PPFIBP2: variants seen among roughly 807,000 people sequenced by gnomAD.
PPFIBP2 encodes liprin-beta-2.
PPFIBP2 carries 118 observed loss-of-function variants against 118.3 expected under a neutral mutation model. That is an observed-to-expected ratio of 1.00 (90% CI 0.86 to 1.16). The LOEUF is 1.16. Among genes scored for constraint, PPFIBP2 ranks in the 50% most tolerant of loss-of-function variants. The probability of loss-of-function intolerance (pLI) is 0.00; values close to 1 mark genes in which losing one functional copy is unlikely to be tolerated. For synonymous variants in PPFIBP2, 414 were observed against 397.4 expected (o/e 1.04, Z -0.50); for missense variants, 1,195 against 1,073.1 (o/e 1.11, Z -1.59).
rs1848675148 is a variant in PPFIBP2 at position 7,616,574 on chromosome 11, A to G, written c.619-4361A>G. On this transcript the variant is annotated intron_variant, in intron 6 of 23. Transcript: ENST00000299492. This position sits in a 1 kb window ranked among gnomAD's most constrained non-coding sequence, Gnocchi z 5.2. Reference sequence around the variant, plus strand: ...AACGTTGCTTGAGATAATCTTGTAGACAGGATGGAGGAATAGAAGATGAAT... The same window carrying G: ...AACGTTGCTTGAGATAATCTTGTAGGCAGGATGGAGGAATAGAAGATGAAT... Among the ~76,000 whole-genome samples, 1 of 152,182 alleles carries G rather than the reference A, an allele frequency of 6.6e-6. No individual in the cohort carries two copies.
chr11:7,593,495 C>A (rs1432446575), intron 4 of PPFIBP2, among the ~76,000 whole-genome samples: 1 of 152,232 alleles, frequency 6.6e-6, no homozygotes, highest in Non-Finnish European at 1.5e-5. Context: ...GCCCCATGAC[C>A]AGGCTGATTT....
chr11:7,625,718 A>C, intron 7 of PPFIBP2, 59 bp from the exon 8 acceptor site: 2 of 1,399,826 alleles, frequency 1.4e-6, no homozygotes, highest in Non-Finnish European at 2.0e-6. Flanking sequence ...GACGGGAGGC[A>C]CTTCATCATG....
At chr11:7,524,192 A>C (rs150342083) in intron 1 of PPFIBP2, among the ~76,000 whole-genome samples, 189 of 152,116 alleles carry the variant, frequency 1.2e-3, no homozygotes, top group African/African-American at 4.3e-3. Flanking sequence ...TAATAGGGAC[A>C]AGGGGGACAG....
At chr11:7,610,746 T>G (rs1487107292) in intron 6 of PPFIBP2, among the ~76,000 whole-genome samples, 3 of 152,092 alleles carry the variant, frequency 2.0e-5, no homozygotes, top group Non-Finnish European at 4.4e-5. Flanking sequence ...ACCAAGGAAA[T>G]GACGACGTAC....
intron 4 of PPFIBP2, chr11:7,597,319 A>G (rs1261019474): frequency 2.0e-6 from 3 of 1,535,696 alleles, no homozygotes; most frequent in East Asian, 4.9e-5. Flanking sequence ...GAGTCTATCA[A>G]GAGCAGTAAA....
At chr11:7,550,620 A>G (rs7116101) in intron 2 of PPFIBP2, among the ~76,000 whole-genome samples, 59,757 of 152,074 alleles carry the variant, frequency 0.39, 12,562 homozygotes, top group African/African-American at 0.54. Flanking sequence ...CTTTTCAGAG[A>G]ATCCATAGAC....
Position 7,565,600 on chromosome 11 carries a change from C to G in PPFIBP2, c.112C>G (p.Leu38Val). The G allele has an allele frequency of 6.2e-7, 1 of 1,614,246 alleles. No individual in the cohort carries two copies. The highest frequency in any genetic ancestry group is 1.1e-5 in the South Asian group (1 of 91,088). ...DLSDGTCEPGLASPASYMNPF... is the reference protein window; with the variant it reads ...DLSDGTCEPGVASPASYMNPF... ...TAGTGATGGTACTTGTGAGCCTGGACTGGCTTCCCCGGCCTCCTACATGAA... is the reference window on the plus strand; with the variant it reads ...TAGTGATGGTACTTGTGAGCCTGGAGTGGCTTCCCCGGCCTCCTACATGAA... The change falls in exon 3 of 24, where the codon CTG becomes GTG. Residue 38 changes from leucine (L) to valine (V), a missense_variant. Transcript: ENST00000299492.
intron 17 of PPFIBP2, among the ~76,000 whole-genome samples, chr11:7,642,733 T>C (rs1428350181): frequency 1.3e-5 from 2 of 152,358 alleles, no homozygotes; most frequent in East Asian, 1.9e-4. Context: ...GATTGCCATA[T>C]ACCAATGCAG....
At chr11:7,549,609 C>CTTTTTTTTTT in intron 2 of PPFIBP2, 70 bp downstream of exon 2, 1 of 1,142,966 alleles carries the variant, frequency 8.7e-7, no homozygotes, top group Non-Finnish European at 1.2e-6. Context: ...TCTCCTTTTA[C>CTTTTTTTTTT]TTTTTTTTTT....
At chr11:7,555,183 C>A (rs1054953088) in intron 2 of PPFIBP2, among the ~76,000 whole-genome samples, 1 of 152,080 alleles carries the variant, frequency 6.6e-6, no homozygotes, top group African/African-American at 2.4e-5. Flanking sequence ...GGCAGGGGAC[C>A]AGAGAGCCAC....
At chr11:7,659,518 G>T (rs1854846867), downstream of PPFIBP2, among the ~76,000 whole-genome samples, 1 of 146,818 alleles carries the variant, frequency 6.8e-6, no homozygotes, top group Admixed American at 6.9e-5. Context: ...TCTCTGTTTT[G>T]GTACCAGTAC....
chr11:7,650,370 G>C (rs149166274), intron 21 of PPFIBP2, among the ~76,000 whole-genome samples: 17 of 152,140 alleles, frequency 1.1e-4, no homozygotes, highest in African/African-American at 4.1e-4. Context: ...GTATATGTCA[G>C]GCACAGCGCT....
At chr11:7,612,299 A>C (rs61888785) in intron 6 of PPFIBP2, among the ~76,000 whole-genome samples, 15,748 of 152,186 alleles carry the variant, frequency 0.1, 908 homozygotes, top group African/African-American at 0.14. Context: ...GCAGTCAAAG[A>C]GGTGCTTTCT....
chr11:7,573,702 C>G (rs1659456281), intron 3 of PPFIBP2, among the ~76,000 whole-genome samples: 1 of 152,220 alleles, frequency 6.6e-6, no homozygotes, highest in Non-Finnish European at 1.5e-5. Context: ...ACTCCCTTCC[C>G]CCGCCTCCCC....
At chr11:7,652,198 C>T (rs529875716) in intron 23 of PPFIBP2, among the ~76,000 whole-genome samples, 1 of 152,376 alleles carries the variant, frequency 6.6e-6, no homozygotes, top group East Asian at 1.9e-4. Flanking sequence ...TGCCTGCGTG[C>T]CGCAATGCCG....
rs566142756 is a variant in PPFIBP2 at position 7,542,215 on chromosome 11, CAG to C, written c.-36-7224_-36-7223del. Among the ~76,000 whole-genome samples, 706 of 152,280 alleles carry C rather than the reference CAG, an allele frequency of 4.6e-3. 10 individuals carry two copies. The highest frequency in any genetic ancestry group is 0.016 in the African/African-American group (646 of 41,544). On this transcript the variant is annotated intron_variant, in intron 1 of 23. Transcript: ENST00000299492. ...GCCTAATCTGTTTTCTCATCTGTAA[CAG>C]GGGGAGAATAATTCCTAACTGGTAT...
intron 6 of PPFIBP2, among the ~76,000 whole-genome samples, chr11:7,611,218 T>G (rs533993666): frequency 3.9e-5 from 6 of 152,372 alleles, no homozygotes; most frequent in African/African-American, 1.4e-4. Context: ...TTAATCTTTC[T>G]GAACTTCAAT....
downstream of PPFIBP2, among the ~76,000 whole-genome samples, chr11:7,657,401 C>G (rs1590846130): frequency 6.6e-6 from 1 of 152,148 alleles, no homozygotes; most frequent in Non-Finnish European, 1.5e-5. Context: ...CAAGGGGTAT[C>G]TGTGCGACTC....
chr11:7,523,928 G>A (rs1178756826), intron 1 of PPFIBP2, among the ~76,000 whole-genome samples: 1 of 152,220 alleles, frequency 6.6e-6, no homozygotes, highest in Non-Finnish European at 1.5e-5. Flanking sequence ...AGTAACTTGT[G>A]TGCATGGTTG....
Sources: gnomAD v4.1 joint callset for allele counts (sites outside exome capture counted in the v4.1 genomes callset) on GRCh38, gnomAD v4.1.1 for gene constraint, Gnocchi (gnomAD v3.1) non-coding constraint, MANE v1.5 for transcripts, NCBI Gene and HGNC (gene_info 2026-07-23, HGNC 2026-07-21) for gene names.